GALNT13: variants seen among roughly 807,000 people sequenced by gnomAD.
GALNT13 encodes UDP-GalNAc:polypeptide N-acetylgalactosaminyltransferase 13.
Under a neutral mutation model 64.2 loss-of-function variants are expected in GALNT13, and 28 were observed. The ratio of observed to expected loss-of-function variants is 0.44; its 90% CI spans 0.32 to 0.60. GALNT13 has a LOEUF of 0.60. Ranked by LOEUF, GALNT13 falls within the 20% of genes least tolerant of loss-of-function variation. The probability of loss-of-function intolerance (pLI) is 0.05; values close to 1 mark genes in which losing one functional copy is unlikely to be tolerated. For missense variants in GALNT13, 577 were observed against 669.8 expected (o/e 0.86, Z 1.53); for synonymous variants, 214 against 224.6 (o/e 0.95, Z 0.42).
intron 8 of GALNT13, among the ~76,000 whole-genome samples, chr2:154,266,553 A>T (rs1468174066): frequency 2.6e-5 from 4 of 152,020 alleles, no homozygotes; most frequent in Admixed American, 6.6e-5. Flanking sequence ...CTGACAAAAG[A>T]TGTGCAAGAC....
At chr2:153,530,319 T>A in the GALNT13 span, among the ~76,000 whole-genome samples, 5 of 151,172 alleles carry the variant, frequency 3.3e-5, no homozygotes, top group African/African-American at 9.7e-5. Context: ...ACCAAAGAAG[T>A]GAAAAATATC....
chr2:154,296,324 C>T (rs1162938156), intron 8 of GALNT13, among the ~76,000 whole-genome samples: 1 of 152,170 alleles, frequency 6.6e-6, no homozygotes, highest in Non-Finnish European at 1.5e-5. Context: ...GCTCTCTGAA[C>T]ACATTCTTCT....
At chr2:153,734,774 G>C in the GALNT13 span, among the ~76,000 whole-genome samples, 1 of 152,086 alleles carries the variant, frequency 6.6e-6, no homozygotes, top group Non-Finnish European at 1.5e-5. Context: ...ATTATATTCT[G>C]ATTACGCTGA....
At chr2:154,037,989 T>C (rs1049174401) in intron 3 of GALNT13, among the ~76,000 whole-genome samples, 2 of 152,070 alleles carry the variant, frequency 1.3e-5, no homozygotes, top group African/African-American at 4.8e-5. Context: ...TCTACAAATT[T>C]TTTTTAAAAT....
chr2:154,382,609 G>A (rs1294088336), intron 9 of GALNT13, among the ~76,000 whole-genome samples: 1 of 151,900 alleles, frequency 6.6e-6, no homozygotes, highest in Non-Finnish European at 1.5e-5. Flanking sequence ...CTCATAGATT[G>A]TTCCACAGTT....
At chr2:153,386,389 C>G in the GALNT13 span, among the ~76,000 whole-genome samples, 1 of 151,992 alleles carries the variant, frequency 6.6e-6, no homozygotes, top group Non-Finnish European at 1.5e-5. Flanking sequence ...TCTTGAGAGT[C>G]ATCACATACA....
chr2:154,448,833 T>C (rs1003481493), intron 12 of GALNT13, among the ~76,000 whole-genome samples: 9 of 151,982 alleles, frequency 5.9e-5, no homozygotes, highest in African/African-American at 2.2e-4. Context: ...GGTAGCTTAA[T>C]GGGCAATGAC....
the GALNT13 span, among the ~76,000 whole-genome samples, chr2:153,183,069 G>C: frequency 6.6e-6 from 1 of 152,152 alleles, no homozygotes; most frequent in Non-Finnish European, 1.5e-5. Flanking sequence ...TTCCACAATG[G>C]TTGAATTAAT....
At chr2:153,142,385 G>T in the GALNT13 span, among the ~76,000 whole-genome samples, 8 of 152,108 alleles carry the variant, frequency 5.3e-5, no homozygotes, top group East Asian at 1.2e-3. Context: ...TAGAGAAAAA[G>T]AGCAATTTCT....
intron 9 of GALNT13, among the ~76,000 whole-genome samples, chr2:154,327,393 A>C (rs1434271573): frequency 6.6e-6 from 1 of 152,098 alleles, no homozygotes; most frequent in East Asian, 1.9e-4. Flanking sequence ...CTTGGAGGTT[A>C]ACTGGTAACA....
chr2:153,824,163 T>C, the GALNT13 span, among the ~76,000 whole-genome samples: 2 of 151,194 alleles, frequency 1.3e-5, no homozygotes, highest in African/African-American at 4.8e-5. Flanking sequence ...ATACACTGTA[T>C]ATATATATAT....
chr2:154,008,425 TA>T (rs889570556), intron 3 of GALNT13, among the ~76,000 whole-genome samples: 1 of 152,202 alleles, frequency 6.6e-6, no homozygotes, highest in Non-Finnish European at 1.5e-5. Flanking sequence ...TATTATATTT[TA>T]TTTTTTAAAA....
chr2:153,628,434 G>A, the GALNT13 span, among the ~76,000 whole-genome samples: 2 of 151,986 alleles, frequency 1.3e-5, no homozygotes, highest in East Asian at 1.9e-4. Flanking sequence ...CGTTTTCAAA[G>A]GGAATGCTTC....
intron 12 of GALNT13, among the ~76,000 whole-genome samples, chr2:154,447,873 C>T (rs760475374): frequency 2.0e-5 from 3 of 151,984 alleles, no homozygotes; most frequent in Admixed American, 6.6e-5. Flanking sequence ...AATCCTGATA[C>T]GTGCAGTGCC....
the GALNT13 span, among the ~76,000 whole-genome samples, chr2:153,864,981 A>G: frequency 6.7e-6 from 1 of 148,720 alleles, no homozygotes; most frequent in East Asian, 2.0e-4. Context: ...AATGGAACAG[A>G]ACAGAGCCCT....
At chr2:153,224,382 T>A in the GALNT13 span, among the ~76,000 whole-genome samples, 2 of 152,190 alleles carry the variant, frequency 1.3e-5, no homozygotes, top group African/African-American at 4.8e-5. Context: ...TATCAGGTAC[T>A]GTGCTCACTG....
chr2:153,792,970 C>CTT, the GALNT13 span, among the ~76,000 whole-genome samples: 481 of 132,242 alleles, frequency 3.6e-3, 3 homozygotes, highest in African/African-American at 0.011. Context: ...TTCTTTCTTT[C>CTT]TTTTTTTTTT....
chr2:153,493,244 A>G, the GALNT13 span, among the ~76,000 whole-genome samples: 1 of 152,084 alleles, frequency 6.6e-6, no homozygotes, highest in Non-Finnish European at 1.5e-5. Flanking sequence ...GAAGATATCA[A>G]CAAAATTGAT....
chr2:153,959,308 A>T (rs2105088527), intron 3 of GALNT13, among the ~76,000 whole-genome samples: 1 of 152,248 alleles, frequency 6.6e-6, no homozygotes, highest in East Asian at 1.9e-4. Flanking sequence ...ACCCAAGACC[A>T]AGTTGGGGGT....
Sources: allele counts gnomAD v4.1 joint callset (sites outside exome capture counted in the v4.1 genomes callset), GRCh38; gene constraint gnomAD v4.1.1; transcripts MANE v1.5; gene names NCBI Gene and HGNC (gene_info 2026-07-23, HGNC 2026-07-21).